Variants in TTC29 observed in about 807,000 individuals in gnomAD.
TTC29 encodes the protein tetratricopeptide repeat domain 29, also known as tetratricopeptide repeat protein 29.
Under a neutral mutation model 58.1 loss-of-function variants are expected in TTC29, and 49 were observed. That is an observed-to-expected ratio of 0.84 (90% CI 0.67 to 1.07). TTC29 has a LOEUF of 1.07. Among genes scored for constraint, TTC29 ranks in the 50% least tolerant of loss-of-function variants. The pLI is 0.00. For synonymous variants in TTC29, 209 were observed against 196.8 expected, an observed-to-expected ratio of 1.06 and a Z score of -0.52; for missense variants, 582 against 555.6, an observed-to-expected ratio of 1.05 and a Z score of -0.48.
intron 7 of TTC29, 111 bp downstream of exon 7, chr4:146,874,605 C>T (rs1334219456): frequency 1.2e-6 from 1 of 864,826 alleles, no homozygotes; most frequent in East Asian, 2.7e-5. Flanking sequence ...TTTGTCTTTG[C>T]ATTTCATAGG....
intron 4 of TTC29, 130 bp downstream of exon 4, chr4:146,937,464 A>G: frequency 3.1e-6 from 2 of 637,118 alleles, no homozygotes; most frequent in South Asian, 3.9e-5. Flanking sequence ...ACTATTTAAT[A>G]TGAGCTTTAA....
chr4:146,819,356 T>C (rs1440084975), intron 10 of TTC29, among the ~76,000 whole-genome samples: 2 of 149,550 alleles, frequency 1.3e-5, no homozygotes, highest in African/African-American at 5.1e-5. Context: ...ATACACAGAC[T>C]CTGAAAGAGA....
chr4:146,807,344 G>A (rs374778469), intron 10 of TTC29, among the ~76,000 whole-genome samples: 2 of 152,032 alleles, frequency 1.3e-5, no homozygotes, highest in Admixed American at 1.3e-4. Context: ...AGAAGCAAGA[G>A]CAAATAAATT....
intron 11 of TTC29, among the ~76,000 whole-genome samples, chr4:146,775,778 C>T (rs1748047351): frequency 6.6e-6 from 1 of 152,074 alleles, no homozygotes; most frequent in South Asian, 2.1e-4. Flanking sequence ...CTCTGCATTT[C>T]CTGAATTTGA....
chr4:146,814,503 G>A (rs1005744334), intron 10 of TTC29, among the ~76,000 whole-genome samples: 19 of 152,080 alleles, frequency 1.2e-4, no homozygotes, highest in Admixed American at 7.9e-4. Context: ...CGAAGTGGGC[G>A]GATCATGAGG....
intron 11 of TTC29, among the ~76,000 whole-genome samples, chr4:146,793,268 GTCAA>G (rs1749598359): frequency 6.6e-6 from 1 of 152,144 alleles, no homozygotes; most frequent in South Asian, 2.1e-4. Context: ...GAAAGGAAGA[GTCAA>G]TCAATGTGAC....
chr4:146,746,013 A>G (rs111672625), intron 11 of TTC29, among the ~76,000 whole-genome samples: 3 of 152,220 alleles, frequency 2.0e-5, no homozygotes, highest in African/African-American at 4.8e-5. Flanking sequence ...CTATATTGCA[A>G]TTGGGAGGCA....
At chr4:146,758,555 A>C (rs1350826151) in intron 11 of TTC29, among the ~76,000 whole-genome samples, 1 of 152,168 alleles carries the variant, frequency 6.6e-6, no homozygotes, top group Non-Finnish European at 1.5e-5. Flanking sequence ...CCAACAGCGC[A>C]TGGAACTTTC....
At position 146,803,664 on chromosome 4, in the gene TTC29, C is replaced by T; in HGVS notation, c.1123G>A (p.Glu375Lys). 1 of 1,592,772 alleles carries T rather than the reference C, an allele frequency of 6.3e-7. No individual in the cohort carries two copies. Among genetic ancestry groups the T allele is most frequent in the Non-Finnish European group, 8.6e-7 (1 of 1,165,722 alleles). The change falls in exon 11 of 13, where the codon GAA becomes AAA. Residue 375 changes from glutamate (E) to lysine (K), a missense_variant. Physicochemically the swap from Glu to Lys is moderately conservative, Grantham distance 56. Coordinates refer to ENST00000325106, the MANE Select transcript of TTC29 (RefSeq NM_031956.4). ...GTGTCAAAAGCTTGCTGAAAGCATT[C>T]AGAAGCTTTGTTGTAGTATCCCTAA... ...NEKGYYNKASECFQQAFDTTV... is the reference protein window; with the variant it reads ...NEKGYYNKASKCFQQAFDTTV...
At chr4:146,903,848 T>C (rs1304884949) in intron 5 of TTC29, 119 bp from the exon 6 acceptor site, 4 of 724,674 alleles carry the variant, frequency 5.5e-6, no homozygotes, top group Admixed American at 4.2e-5. Flanking sequence ...ATTACCAATT[T>C]TAAAAATTGG....
intron 11 of TTC29, among the ~76,000 whole-genome samples, chr4:146,766,175 AT>A (rs1747306285): frequency 6.6e-6 from 1 of 152,014 alleles, no homozygotes; most frequent in Admixed American, 6.6e-5. Context: ...GGGTGTTTGC[AT>A]TTAAAACTGT....
chr4:146,785,518 T>G (rs751422967), intron 11 of TTC29, among the ~76,000 whole-genome samples: 7 of 152,216 alleles, frequency 4.6e-5, no homozygotes, highest in Non-Finnish European at 8.8e-5. Flanking sequence ...TTTCTTCTGC[T>G]CTATCCTCTG....
At chr4:146,922,479 G>T (rs994287275) in intron 4 of TTC29, among the ~76,000 whole-genome samples, 22 of 151,566 alleles carry the variant, frequency 1.5e-4, no homozygotes, top group Admixed American at 9.2e-4. Flanking sequence ...AACGGAAAAA[G>T]CTTCTAATTA....
At chr4:146,770,415 T>A (rs1747644577) in intron 11 of TTC29, among the ~76,000 whole-genome samples, 1 of 151,060 alleles carries the variant, frequency 6.6e-6, no homozygotes, top group Admixed American at 6.6e-5. Flanking sequence ...GCCACCTTGA[T>A]GGGAAAACGT....
chr4:146,754,663 T>C (rs1210652569), intron 11 of TTC29, among the ~76,000 whole-genome samples: 1 of 152,140 alleles, frequency 6.6e-6, no homozygotes, highest in African/African-American at 2.4e-5. Flanking sequence ...GAATGAAAGA[T>C]TAAAACCACA....
chr4:146,803,804 T>C (rs1044286721), intron 10 of TTC29, 119 bp from the exon 11 acceptor site: 3 of 717,562 alleles, frequency 4.2e-6, no homozygotes, highest in Admixed American at 6.1e-5. Flanking sequence ...CAGTTCATCT[T>C]CAAGAAGAAA....
chr4:146,865,602 G>A (rs967443525), intron 8 of TTC29, among the ~76,000 whole-genome samples: 2 of 152,020 alleles, frequency 1.3e-5, no homozygotes, highest in African/African-American at 4.8e-5. Flanking sequence ...CCAAACCTCA[G>A]CATCACAAAA....
chr4:146,939,086 T>C (rs1270881646), intron 3 of TTC29, among the ~76,000 whole-genome samples: 1 of 152,182 alleles, frequency 6.6e-6, no homozygotes, highest in Non-Finnish European at 1.5e-5. Context: ...CCTGCCAATC[T>C]ACCCTACAAG....
At chr4:146,833,726 G>A in intron 9 of TTC29, 80 bp downstream of exon 9, 1 of 1,098,760 alleles carries the variant, frequency 9.1e-7, no homozygotes, top group South Asian at 1.3e-5. Flanking sequence ...GTAATGGAAA[G>A]CGACAGACCT....
Sources: gnomAD v4.1 joint callset for allele counts (sites outside exome capture counted in the v4.1 genomes callset) on GRCh38, gnomAD v4.1.1 for gene constraint, MANE v1.5 for transcripts, NCBI Gene and HGNC (gene_info 2026-07-23, HGNC 2026-07-21) for gene names.